The following MANBAL variants were observed in gnomAD, a reference collection of about 807,000 sequenced individuals.
MANBAL encodes the protein mannosidase beta like, also known as protein MANBAL.
MANBAL carries 1 observed loss-of-function variant against 6.4 expected under a neutral mutation model. The observed-to-expected ratio is 0.16, with a 90% confidence interval of 0.06 to 0.74. The LOEUF is 0.74. Among genes scored for constraint, MANBAL ranks in the 30% least tolerant of loss-of-function variants. The pLI is 0.78. For missense variants in MANBAL, 100 were observed against 107.8 expected (o/e 0.93, Z 0.32); for synonymous variants, 47 against 45.8 (o/e 1.03, Z -0.10).
chr20:37,315,433 C>T (rs1338635065), intron 2 of MANBAL, among the ~76,000 whole-genome samples: 1 of 152,220 alleles, frequency 6.6e-6, no homozygotes, highest in Non-Finnish European at 1.5e-5. Flanking sequence ...CCAGATACTT[C>T]TCTGACATGA....
intron 1 of MANBAL, among the ~76,000 whole-genome samples, chr20:37,294,823 G>T (rs144805976): frequency 6.6e-6 from 1 of 152,262 alleles, no homozygotes; most frequent in African/African-American, 2.4e-5. Context: ...TCCGTGGCAG[G>T]GATTAGACCA....
At chr20:37,308,118 A>T (rs1466961541) in intron 2 of MANBAL, among the ~76,000 whole-genome samples, 1 of 152,028 alleles carries the variant, frequency 6.6e-6, no homozygotes. Context: ...CACTAAACAC[A>T]ACCATGCCTT....
intron 2 of MANBAL, among the ~76,000 whole-genome samples, chr20:37,303,344 G>A (rs768473020): frequency 9.2e-5 from 14 of 152,346 alleles, no homozygotes; most frequent in Non-Finnish European, 1.3e-4. Flanking sequence ...GTGCTACTGA[G>A]CTGTGATTGC....
At chr20:37,291,931 G>T (rs994131153) in intron 1 of MANBAL, among the ~76,000 whole-genome samples, 1 of 152,138 alleles carries the variant, frequency 6.6e-6, no homozygotes, top group Non-Finnish European at 1.5e-5. Context: ...ACCCAGTCTC[G>T]GGTATTTCTT....
intron 1 of MANBAL, among the ~76,000 whole-genome samples, chr20:37,294,382 T>G (rs1178183083): frequency 6.6e-6 from 1 of 152,264 alleles, no homozygotes; most frequent in East Asian, 1.9e-4. Flanking sequence ...CTCCTTGCTT[T>G]CAGTCTTGTC....
intron 2 of MANBAL, 74 bp downstream of exon 2, chr20:37,301,487 C>A: frequency 6.7e-7 from 1 of 1,490,532 alleles, no homozygotes; most frequent in Non-Finnish European, 9.1e-7. Flanking sequence ...TAGGTGCCAC[C>A]ACAACTGAGA....
intron 2 of MANBAL, among the ~76,000 whole-genome samples, chr20:37,315,844 G>A (rs2069500702): frequency 6.6e-6 from 1 of 152,254 alleles, no homozygotes; most frequent in Admixed American, 6.5e-5. Flanking sequence ...CCCATAGCCA[G>A]CTCCTCGCCC....
intron 1 of MANBAL, among the ~76,000 whole-genome samples, chr20:37,295,064 G>A (rs911268795): frequency 1.3e-5 from 2 of 152,188 alleles, no homozygotes; most frequent in Non-Finnish European, 1.5e-5. Flanking sequence ...AGCAGGACAG[G>A]GCTAGAGACC....
intron 2 of MANBAL, among the ~76,000 whole-genome samples, chr20:37,312,130 TC>T (rs2069404376): frequency 6.6e-6 from 1 of 152,042 alleles, no homozygotes; most frequent in African/African-American, 2.4e-5. Context: ...AGGAGACAGA[TC>T]AAGCATTCAG....
intron 1 of MANBAL, among the ~76,000 whole-genome samples, chr20:37,300,311 G>A (rs963072935): frequency 6.6e-6 from 1 of 152,070 alleles, no homozygotes; most frequent in African/African-American, 2.4e-5. Flanking sequence ...TGCCTGGAAC[G>A]TGTTTCCCTC....
intron 2 of MANBAL, among the ~76,000 whole-genome samples, chr20:37,314,046 T>C (rs929131546): frequency 6.6e-6 from 1 of 152,140 alleles, no homozygotes; most frequent in Non-Finnish European, 1.5e-5. Context: ...ACCTGCACTT[T>C]AGAATAGTTC....
intron 2 of MANBAL, among the ~76,000 whole-genome samples, chr20:37,304,007 A>G (rs544069888): frequency 1.3e-5 from 2 of 152,342 alleles, no homozygotes; most frequent in African/African-American, 2.4e-5. Context: ...CCTTGCAAGC[A>G]TGCTTCTCTA....
intron 2 of MANBAL, among the ~76,000 whole-genome samples, chr20:37,313,044 A>C (rs1015682450): frequency 6.6e-6 from 1 of 152,208 alleles, no homozygotes. Flanking sequence ...AGTTGAAGCT[A>C]TCCCAAAGTG....
At chr20:37,294,572 C>T (rs752462416) in intron 1 of MANBAL, among the ~76,000 whole-genome samples, 15 of 152,250 alleles carry the variant, frequency 9.9e-5, no homozygotes, top group Non-Finnish European at 1.9e-4. Context: ...CTTATTCCTG[C>T]CTCAGGGACT....
intron 2 of MANBAL, among the ~76,000 whole-genome samples, chr20:37,303,886 G>C (rs767038742): frequency 1.4e-4 from 22 of 152,302 alleles, no homozygotes; most frequent in Non-Finnish European, 2.9e-4. Flanking sequence ...CAGGTGTTCA[G>C]CATGAACCTT....
chr20:37,291,057 C>A (rs1199728218), intron 1 of MANBAL, among the ~76,000 whole-genome samples: 1 of 152,080 alleles, frequency 6.6e-6, no homozygotes, highest in South Asian at 2.1e-4. Flanking sequence ...CTGTGGCAGT[C>A]GTGAAATCTG....
intron 2 of MANBAL, among the ~76,000 whole-genome samples, chr20:37,307,861 A>C (rs747438782): frequency 1.3e-5 from 2 of 152,194 alleles, no homozygotes; most frequent in Non-Finnish European, 2.9e-5. Flanking sequence ...AAAGACGTGA[A>C]CTTGGAGCAT....
At position 37,301,387 on chromosome 20, in the gene MANBAL, G is replaced by A. The variant is rs777773368; in HGVS notation, c.124G>A (p.Val42Ile). Reference sequence around the variant, plus strand: ...GCTCATCTGTGTGCTGGCCATCATCGTACCCATTCCCAAGTCCCACGAGGC... The same window carrying A: ...GCTCATCTGTGTGCTGGCCATCATCATACCCATTCCCAAGTCCCACGAGGC... ...FQLICVLAII[V>I]PIPKSHEAEA... The change falls in exon 2 of 3, where the codon GTA becomes ATA. Residue 42 changes from valine to isoleucine, a missense_variant. Coordinates refer to ENST00000373606, the MANE Select transcript of MANBAL (RefSeq NM_001003897.2). The A allele has an allele frequency of 5.6e-6, 9 of 1,612,486 alleles. No homozygotes were observed. The highest frequency in any genetic ancestry group is 5.5e-5 in the South Asian group (5 of 90,912).
At chr20:37,304,445 T>G (rs1471148632) in intron 2 of MANBAL, among the ~76,000 whole-genome samples, 2 of 152,210 alleles carry the variant, frequency 1.3e-5, no homozygotes, top group African/African-American at 4.8e-5. Context: ...TTGTTATTAG[T>G]TTATCTTTCC....
Sources: allele counts gnomAD v4.1 joint callset (sites outside exome capture counted in the v4.1 genomes callset), GRCh38; gene constraint gnomAD v4.1.1; transcripts MANE v1.5; gene names NCBI Gene and HGNC (gene_info 2026-07-23, HGNC 2026-07-21).